Variants in NAXD observed in about 807,000 individuals in gnomAD.
The protein encoded by NAXD is NAD(P)HX dehydratase.
NAXD carries 22 observed loss-of-function variants against 35.8 expected under a neutral mutation model. The observed-to-expected ratio is 0.62, with a 90% CI of 0.44 to 0.88. NAXD has a LOEUF of 0.88. NAXD is among the 40% of genes least tolerant of loss of function. The pLI is 0.00. For missense variants in NAXD, 428 were observed against 437.7 expected (o/e 0.98, Z 0.20); for synonymous variants, 189 against 177.6 (o/e 1.06, Z -0.51).
chr13:110,634,568 C>T lies in NAXD; in HGVS notation c.465C>T (p.Ala155=). 1.2e-6 allele frequency: 2 copies of T among 1,614,212 alleles called. No homozygotes were observed. Among genetic ancestry groups the T allele is most frequent in the Non-Finnish European group, 1.7e-6 (2 of 1,180,036 alleles). Residue 155 remains alanine, a synonymous_variant, in exon 6 of 10, where the codon GCC becomes GCT. Coordinates refer to ENST00000680254, the MANE Select transcript of NAXD (RefSeq NM_001242882.2). ...AGGGCATTTTGGAAGTGTCAAAGGC[C>T]AGGGACATCCCTGTTGTCATCGACG... is the stretch of plus-strand genomic sequence containing the variant. ...NVQGILEVSK[A]RDIPVVIDAD... is the part of the protein sequence containing the mutation.
intron 5 of NAXD, among the ~76,000 whole-genome samples, chr13:110,627,975 AT>A (rs1886559066): frequency 6.6e-6 from 1 of 152,218 alleles, no homozygotes; most frequent in Non-Finnish European, 1.5e-5. Flanking sequence ...CTCTGCTGAC[AT>A]CAGGCTGTGA....
intron 6 of NAXD, 21 bp downstream of exon 6, chr13:110,634,616 C>T: frequency 6.2e-7 from 1 of 1,614,184 alleles, no homozygotes; most frequent in East Asian, 2.2e-5. Context: ...TTCTCTCCTC[C>T]TGGCTCGGAC....
At chr13:110,619,059 T>A (rs992932541) in intron 1 of NAXD, among the ~76,000 whole-genome samples, 1 of 152,242 alleles carries the variant, frequency 6.6e-6, no homozygotes, top group Non-Finnish European at 1.5e-5. Context: ...GGGGCATTGG[T>A]GCTCCCCTCC....
At chr13:110,621,640 G>A (rs1886268124) in intron 1 of NAXD, among the ~76,000 whole-genome samples, 1 of 152,174 alleles carries the variant, frequency 6.6e-6, no homozygotes, top group South Asian at 2.1e-4. Context: ...AGGTTGCAGT[G>A]AGCAGGATCG....
chr13:110,634,859 C>A, intron 7 of NAXD, 83 bp downstream of exon 7: 1 of 1,034,848 alleles, frequency 9.7e-7, no homozygotes, highest in Non-Finnish European at 1.5e-6. Flanking sequence ...TGCTTCTGCC[C>A]AGCCTGTCCC....
rs1387231609 is a variant in NAXD at position 110,638,663 on chromosome 13, C to T, written c.*135C>T. 4 of 1,030,112 alleles carry T rather than the reference C, an allele frequency of 3.9e-6. No homozygotes were observed. In the South Asian group the frequency reaches 4.0e-5, roughly 10 times the overall value. 63.8% of individuals were successfully genotyped at this position (1,030,112 alleles called of 1,614,324 possible). A position where few individuals can be genotyped will look rare whatever the true frequency, so the allele number is the denominator to read the frequency against. On this transcript the variant is annotated 3_prime_UTR_variant, in exon 10 of 10. Transcript: ENST00000680254. The surrounding 1 kb of genome is among the most constrained non-coding windows in gnomAD (Gnocchi z 5.4). ...TTCAACTTGAGCATAAATTGGTTGC[C>T]ATTGAGAATTTAAGAATCTGGAATA... is the stretch of plus-strand genomic sequence containing the variant.
chr13:110,627,378 C>T, intron 4 of NAXD, 61 bp from the exon 5 acceptor site: 3 of 1,029,014 alleles, frequency 2.9e-6, no homozygotes, highest in Non-Finnish European at 4.5e-6. Flanking sequence ...TAAACAAATA[C>T]ATGACAGTAA....
At position 110,638,739 on chromosome 13, in the gene NAXD, C is replaced by G; in HGVS notation, c.*211C>G. On this transcript the variant is annotated 3_prime_UTR_variant, in exon 10 of 10. Transcript: ENST00000680254. The surrounding 1 kb of genome is among the most constrained non-coding windows in gnomAD (Gnocchi z 5.4). ...CATGGTTGGAGATGTTATGGCGACA[C>G]TAAACAAAGTATTCCTGAACTTTCC... 1 of 707,284 alleles carries G rather than the reference C, an allele frequency of 1.4e-6. No homozygotes were observed. Among genetic ancestry groups the G allele is most frequent in the Non-Finnish European group, 2.6e-6 (1 of 391,158 alleles). 43.8% of individuals were successfully genotyped at this position (707,284 alleles called of 1,614,324 possible). A position where few individuals can be genotyped will look rare whatever the true frequency, so the allele number is the denominator to read the frequency against.
chr13:110,617,935 C>T (rs1886122903), intron 1 of NAXD, among the ~76,000 whole-genome samples: 1 of 152,074 alleles, frequency 6.6e-6, no homozygotes, highest in African/African-American at 2.4e-5. Context: ...TGATTGAGTC[C>T]CACATGGAAG....
chr13:110,625,054 C>T, intron 3 of NAXD, 136 bp from the exon 4 acceptor site: 1 of 642,464 alleles, frequency 1.6e-6, no homozygotes, highest in Non-Finnish European at 2.7e-6. Context: ...AGCCACCTGG[C>T]TGGGTGTAAT....
intron 1 of NAXD, chr13:110,616,183 G>C (rs1886045881): frequency 5.3e-6 from 1 of 189,406 alleles, no homozygotes; most frequent in Non-Finnish European, 1.1e-5. Flanking sequence ...AGCTGGATAC[G>C]GGGGCCCTCC....
At chr13:110,616,076 G>A (rs1886040881) in intron 1 of NAXD, 2 of 347,318 alleles carry the variant, frequency 5.8e-6, no homozygotes, top group South Asian at 2.7e-4. Flanking sequence ...GGGCCCTGGG[G>A]CGCCGTGGTG....
At chr13:110,615,959 C>T (rs1412096054) in intron 1 of NAXD, 1 of 434,898 alleles carries the variant, frequency 2.3e-6, no homozygotes. Context: ...TGCGGGGTGA[C>T]AGAGGGGCAG....
Position 110,615,632 on chromosome 13 carries a change from C to T in NAXD, c.31C>T (p.Arg11Trp). Residue 11 changes from arginine (R) to tryptophan (W), a missense_variant, in exon 1 of 10, where the codon CGG becomes TGG. This residue lies in a region of NAXD where 208 missense variants were observed against 193.0 expected (regional missense o/e 1.08). Transcript: ENST00000680254. ...CCTGGGTCCTCGCTGTGGGGCAATCCGGGCTTGCAGACGAGGTAAGGTCGA... is the reference window on the plus strand; with the variant it reads ...CCTGGGTCCTCGCTGTGGGGCAATCTGGGCTTGCAGACGAGGTAAGGTCGA... MALGPRCGAI[R>W]ACRRVLERAF... 2.7e-6 allele frequency: 4 copies of T among 1,483,628 alleles called. No homozygotes were observed. Among genetic ancestry groups the T allele is most frequent in the East Asian group, 2.9e-5 (1 of 34,182 alleles). The allele number at this position is 1,483,628 out of a possible 1,614,324, so 91.9% of individuals were successfully genotyped here.
At chr13:110,615,510 G>T (rs1886007012), upstream of NAXD, 2 of 1,230,082 alleles carry the variant, frequency 1.6e-6, no homozygotes, top group Admixed American at 4.1e-5. Context: ...GCCGACAGCC[G>T]CGCGGAGGCG....
At chr13:110,629,634 A>C (rs1156615720) in intron 5 of NAXD, among the ~76,000 whole-genome samples, 1 of 152,248 alleles carries the variant, frequency 6.6e-6, no homozygotes, top group Admixed American at 6.5e-5. Context: ...CCTGTGTTGT[A>C]GCATGTATCA....
At chr13:110,620,453 G>A (rs971767331) in intron 1 of NAXD, among the ~76,000 whole-genome samples, 3 of 151,406 alleles carry the variant, frequency 2.0e-5, no homozygotes, top group Non-Finnish European at 2.9e-5. Context: ...GGTGGCATGC[G>A]CCTGTAGTCC....
chr13:110,631,201 G>A (rs7327168), intron 5 of NAXD, among the ~76,000 whole-genome samples: 146 of 152,136 alleles, frequency 9.6e-4, no homozygotes, highest in African/African-American at 3.3e-3. Context: ...TTGCACACTC[G>A]TTAACAGTGT....
At chr13:110,630,592 T>G (rs1159468790) in intron 5 of NAXD, among the ~76,000 whole-genome samples, 5 of 152,214 alleles carry the variant, frequency 3.3e-5, no homozygotes, top group African/African-American at 1.2e-4. Context: ...TGGTGTCTTA[T>G]CTCAGAAGCT....
Sources: gnomAD v4.1 joint callset for allele counts (sites outside exome capture counted in the v4.1 genomes callset) on GRCh38, gnomAD v4.1.1 for gene constraint, gnomAD v4.1.1 regional missense constraint, Gnocchi (gnomAD v3.1) non-coding constraint, MANE v1.5 for transcripts, NCBI Gene and HGNC (gene_info 2026-07-23, HGNC 2026-07-21) for gene names.